Variants in CLHC1 observed in about 807,000 individuals in gnomAD.
CLHC1 encodes the protein clathrin heavy chain linker domain containing 1.
CLHC1 carries 72 observed loss-of-function variants against 69.5 expected under a neutral mutation model. The ratio of observed to expected loss-of-function variants is 1.04; its 90% confidence interval spans 0.86 to 1.26. The LOEUF is 1.26. Among genes scored for constraint, CLHC1 ranks in the 50% most tolerant of loss-of-function variants. The probability of loss-of-function intolerance (pLI) is 0.00; values close to 1 mark genes in which losing one functional copy is unlikely to be tolerated. For missense variants in CLHC1, 790 were observed against 679.3 expected (o/e 1.16, Z -1.81); for synonymous variants, 223 against 224.3 (o/e 0.99, Z 0.05).
At chr2:55,219,279 T>C (rs1558511673) in intron 3 of CLHC1, among the ~76,000 whole-genome samples, 1 of 152,202 alleles carries the variant, frequency 6.6e-6, no homozygotes, top group African/African-American at 2.4e-5. Flanking sequence ...CCAAGTCTGT[T>C]TGTTAGAAAA....
rs749438373 is a variant in CLHC1 at position 55,177,640 on chromosome 2, C to A, written c.1526G>T (p.Gly509Val). Residue 509 changes from glycine (G) to valine (V), a missense_variant, in exon 12 of 13, where the codon GGC becomes GTC. By Grantham distance (109) the Gly-to-Val change is moderately radical. Transcript: ENST00000401408. ...HLFSADMKKV[G>V]IKLLQEINKG... is the part of the protein sequence containing the mutation. ...ATTGATTTCTTGAAGTAGCTTAATG[C>A]CAACTTTTTTCATGTCTGCAGAGAA... is the stretch of plus-strand genomic sequence containing the variant. The A allele has an allele frequency of 1.2e-6, 2 of 1,607,740 alleles. No individual in the cohort carries two copies. The highest frequency in any genetic ancestry group is 1.3e-5 in the African/African-American group (1 of 74,704).
chr2:55,205,422 C>T (rs891411426), intron 9 of CLHC1, among the ~76,000 whole-genome samples: 2 of 150,796 alleles, frequency 1.3e-5, no homozygotes, highest in African/African-American at 2.4e-5. Context: ...CACACACACA[C>T]GCACACACAC....
chr2:55,211,826 A>G (rs949220301), intron 5 of CLHC1, among the ~76,000 whole-genome samples: 3 of 152,240 alleles, frequency 2.0e-5, no homozygotes, highest in Admixed American at 6.5e-5. Context: ...TCCAGGATAT[A>G]CTACAATTTC....
chr2:55,188,285 C>T (rs868563071), intron 9 of CLHC1, among the ~76,000 whole-genome samples: 8 of 152,024 alleles, frequency 5.3e-5, no homozygotes, highest in African/African-American at 1.2e-4. Context: ...CACTGCACTC[C>T]AGCCTAGGTG....
At chr2:55,210,189 ATTTTATTTTT>A in intron 5 of CLHC1, among the ~76,000 whole-genome samples, 1 of 150,980 alleles carries the variant, frequency 6.6e-6, no homozygotes, top group African/African-American at 2.4e-5. Context: ...ATTTTATTTT[ATTTTATTTTT>A]ATTTTTATTT....
chr2:55,202,477 A>G (rs1247856521), intron 9 of CLHC1, among the ~76,000 whole-genome samples: 1 of 151,072 alleles, frequency 6.6e-6, no homozygotes, highest in Non-Finnish European at 1.5e-5. Context: ...AATTGCTTGA[A>G]CCCAGGAGGC....
intron 5 of CLHC1, among the ~76,000 whole-genome samples, chr2:55,210,984 G>C (rs1463692126): frequency 6.6e-6 from 1 of 152,054 alleles, no homozygotes; most frequent in East Asian, 1.9e-4. Context: ...ATGAGCCACT[G>C]TGCCCAGCCC....
intron 9 of CLHC1, among the ~76,000 whole-genome samples, chr2:55,186,211 G>A (rs183969590): frequency 7.9e-5 from 12 of 152,302 alleles, no homozygotes; most frequent in East Asian, 3.9e-4. Flanking sequence ...TCAGCTTCAG[G>A]CTGTTGAAAC....
At chr2:55,196,786 G>C (rs149535896) in intron 9 of CLHC1, among the ~76,000 whole-genome samples, 4 of 152,340 alleles carry the variant, frequency 2.6e-5, no homozygotes, top group Non-Finnish European at 5.9e-5. Context: ...ATGGCTATCA[G>C]CTGGGTGATC....
Position 55,189,844 on chromosome 2 carries a change from C to T in CLHC1, c.1007-8100G>A, listed in dbSNP as rs376031324. Among the ~76,000 whole-genome samples the T allele has an allele frequency of 1.3e-4, 20 of 152,282 alleles. No homozygotes were observed. The South Asian group carries it at 3.1e-3, about 24-fold the overall frequency. ...CAGAAATAGCTGAGAATAACTCTTC[C>T]ACCAGAATGGCAAACTTCATAATCC... On this transcript the variant is annotated intron_variant, in intron 9 of 12. Transcript: ENST00000401408.
chr2:55,183,777 T>C (rs1248770915), intron 9 of CLHC1, among the ~76,000 whole-genome samples: 1 of 152,120 alleles, frequency 6.6e-6, no homozygotes, highest in Admixed American at 6.5e-5. Flanking sequence ...ATTCCTAGTT[T>C]TCTTTTCTTT....
At chr2:55,189,250 G>C (rs1670695748) in intron 9 of CLHC1, among the ~76,000 whole-genome samples, 1 of 152,034 alleles carries the variant, frequency 6.6e-6, no homozygotes. Context: ...AGATTGAAAA[G>C]AAGAAACTAA....
intron 9 of CLHC1, among the ~76,000 whole-genome samples, chr2:55,201,243 T>A (rs1324442644): frequency 4.2e-5 from 6 of 141,240 alleles, no homozygotes; most frequent in Non-Finnish European, 4.7e-5. Flanking sequence ...ATGAAGAGTT[T>A]AAAAAAAAAA....
chr2:55,211,326 C>T (rs934838504), intron 5 of CLHC1, among the ~76,000 whole-genome samples: 1 of 151,596 alleles, frequency 6.6e-6, no homozygotes, highest in Non-Finnish European at 1.5e-5. Context: ...ACGGTGAAAC[C>T]CCGTCTCTCC....
chr2:55,193,132 T>C (rs1671088482), intron 9 of CLHC1, among the ~76,000 whole-genome samples: 1 of 151,992 alleles, frequency 6.6e-6, no homozygotes, highest in South Asian at 2.1e-4. Flanking sequence ...GACCTTGTGA[T>C]CCACCCGCCT....
chr2:55,201,636 G>A (rs1347834028), intron 9 of CLHC1, among the ~76,000 whole-genome samples: 2 of 152,120 alleles, frequency 1.3e-5, no homozygotes, highest in African/African-American at 4.8e-5. Flanking sequence ...AAAAATAGAG[G>A]CAGAGGAAAT....
chr2:55,177,784 G>C lies in CLHC1; in HGVS notation c.1385-3C>G. 6.3e-7 allele frequency: 1 copy of C among 1,596,226 alleles called. No homozygotes were observed. Among genetic ancestry groups the C allele is most frequent in the Non-Finnish European group, 8.5e-7 (1 of 1,172,864 alleles). Reference sequence around the variant, plus strand: ...CATTAATAGCTGCAACAGGTCATCTGAAGGCAAAAATGAAAAAGTTTATCT... The same window carrying C: ...CATTAATAGCTGCAACAGGTCATCTCAAGGCAAAAATGAAAAAGTTTATCT... On this transcript the variant is annotated splice_region_variant and splice_polypyrimidine_tract_variant and intron_variant, in intron 11 of 12. Coordinates refer to ENST00000401408, the MANE Select transcript of CLHC1 (RefSeq NM_152385.4).
intron 9 of CLHC1, among the ~76,000 whole-genome samples, chr2:55,191,463 T>C (rs1029633698): frequency 2.0e-5 from 3 of 152,176 alleles, no homozygotes; most frequent in African/African-American, 7.2e-5. Context: ...CTCGAACTTC[T>C]GACCTTGTGA....
At chr2:55,183,531 C>G (rs896816948) in intron 9 of CLHC1, among the ~76,000 whole-genome samples, 1 of 152,116 alleles carries the variant, frequency 6.6e-6, no homozygotes, top group African/African-American at 2.4e-5. Context: ...GATTCTGCGT[C>G]CGATTGAGGG....
Sources: allele counts gnomAD v4.1 joint callset (sites outside exome capture counted in the v4.1 genomes callset), GRCh38; gene constraint gnomAD v4.1.1; transcripts MANE v1.5; gene names NCBI Gene and HGNC (gene_info 2026-07-23, HGNC 2026-07-21).